The following VPS41 variants were observed in gnomAD, a reference collection of about 807,000 sequenced individuals.
VPS41 encodes the protein VPS41 subunit of HOPS complex, also known as vacuolar protein sorting-associated protein 41 homolog.
In VPS41, 85 loss-of-function variants were observed where a neutral mutation model predicts 130.9. That is an observed-to-expected ratio of 0.65 (90% confidence interval 0.55 to 0.78). VPS41 has a LOEUF of 0.78. Among genes scored for constraint, VPS41 ranks in the 30% least tolerant of loss-of-function variants. VPS41 has a pLI of 0.00. For synonymous variants in VPS41, 335 were observed against 332.9 expected, an observed-to-expected ratio of 1.01 and a Z score of -0.07; for missense variants, 874 against 1,018.7, an observed-to-expected ratio of 0.86 and a Z score of 1.93.
intron 13 of VPS41, 62 bp from the exon 14 acceptor site, chr7:38,771,316 A>G: frequency 1.6e-6 from 2 of 1,232,276 alleles, no homozygotes; most frequent in Non-Finnish European, 2.3e-6. Flanking sequence ...GGGAGGGAAA[A>G]TGGGAGAAGG....
At chr7:38,844,078 C>T (rs968196095) in intron 4 of VPS41, among the ~76,000 whole-genome samples, 5 of 152,186 alleles carry the variant, frequency 3.3e-5, no homozygotes, top group African/African-American at 1.2e-4. Flanking sequence ...AAAAATTAGT[C>T]ATACCAATAT....
chr7:38,743,770 C>T (rs1415648115), intron 23 of VPS41, among the ~76,000 whole-genome samples: 4 of 152,056 alleles, frequency 2.6e-5, no homozygotes, highest in Admixed American at 6.6e-5. Context: ...ATATAAATGA[C>T]ATCATATAAC....
At chr7:38,873,895 T>A (rs527787825) in intron 2 of VPS41, among the ~76,000 whole-genome samples, 1 of 152,306 alleles carries the variant, frequency 6.6e-6, no homozygotes, top group South Asian at 2.1e-4. Context: ...GGATAACAAA[T>A]CAAAGCATTT....
At chr7:38,897,161 T>G (rs1330040381) in intron 2 of VPS41, among the ~76,000 whole-genome samples, 1 of 129,592 alleles carries the variant, frequency 7.7e-6, no homozygotes, top group Admixed American at 9.8e-5. Flanking sequence ...ACCATTGCAC[T>G]CTAGCCTAGG....
chr7:38,816,279 C>A (rs1157842976), intron 7 of VPS41, among the ~76,000 whole-genome samples: 1 of 152,114 alleles, frequency 6.6e-6, no homozygotes, highest in Non-Finnish European at 1.5e-5. Flanking sequence ...GGCTCTCTAA[C>A]AGAAATCAGA....
At chr7:38,732,466 T>C (rs1023284870) in intron 25 of VPS41, among the ~76,000 whole-genome samples, 14 of 152,214 alleles carry the variant, frequency 9.2e-5, no homozygotes, top group Non-Finnish European at 2.1e-4. Flanking sequence ...ATCTTACTCT[T>C]AATTTTTATG....
intron 9 of VPS41, among the ~76,000 whole-genome samples, chr7:38,790,138 C>T (rs1234701973): frequency 6.6e-6 from 1 of 152,174 alleles, no homozygotes; most frequent in Non-Finnish European, 1.5e-5. Flanking sequence ...AATCCAAGTA[C>T]AACTTCTGTC....
intron 21 of VPS41, 99 bp from the exon 22 acceptor site, chr7:38,752,412 G>A: frequency 2.1e-6 from 3 of 1,429,896 alleles, no homozygotes; most frequent in Non-Finnish European, 2.9e-6. Flanking sequence ...CCATGGACAG[G>A]TTGGGGGAGA....
At chr7:38,805,260 C>A (rs1033257744) in intron 7 of VPS41, among the ~76,000 whole-genome samples, 3 of 152,252 alleles carry the variant, frequency 2.0e-5, no homozygotes, top group South Asian at 4.2e-4. Context: ...ACAGGCCAGG[C>A]GCAGTGGCTC....
At position 38,774,263 on chromosome 7, in the gene VPS41, G is replaced by A. The variant is rs1436902534; in HGVS notation, c.883-19C>T. 3 of 1,552,638 alleles carry A rather than the reference G, an allele frequency of 1.9e-6. No homozygotes were observed. The Admixed American group carries it at 5.7e-5, about 29-fold the overall frequency. ...CTCTTTCCTAGTGGGGGAAAAGAGA[G>A]AAACATTAATTTAAATTACATTTCT... On this transcript the variant is annotated intron_variant, in intron 11 of 28. Transcript: ENST00000310301.
At chr7:38,835,020 G>A (rs954480412) in intron 4 of VPS41, among the ~76,000 whole-genome samples, 2 of 151,772 alleles carry the variant, frequency 1.3e-5, no homozygotes. Context: ...TTATACACCA[G>A]GCTCTATTCT....
intron 2 of VPS41, among the ~76,000 whole-genome samples, chr7:38,872,774 A>G (rs1279258833): frequency 6.6e-6 from 1 of 152,238 alleles, no homozygotes; most frequent in East Asian, 1.9e-4. Context: ...TGAAAAAAGA[A>G]AACTGCAAAA....
At chr7:38,747,079 G>A (rs1355497236) in intron 22 of VPS41, among the ~76,000 whole-genome samples, 1 of 151,998 alleles carries the variant, frequency 6.6e-6, no homozygotes, top group African/African-American at 2.4e-5. Context: ...AGCTAATACC[G>A]AGAAAATCTT....
chr7:38,835,639 A>T (rs1218461073), intron 4 of VPS41, among the ~76,000 whole-genome samples: 9 of 151,860 alleles, frequency 5.9e-5, no homozygotes, highest in Admixed American at 5.9e-4. Flanking sequence ...AATAATTCAT[A>T]TTCTCTATTT....
At chr7:38,841,591 C>T (rs1785609002) in intron 4 of VPS41, among the ~76,000 whole-genome samples, 1 of 152,138 alleles carries the variant, frequency 6.6e-6, no homozygotes, top group Non-Finnish European at 1.5e-5. Flanking sequence ...CATTTCCTTC[C>T]TGCCTTTCTA....
intron 7 of VPS41, among the ~76,000 whole-genome samples, chr7:38,799,147 A>G (rs1456034763): frequency 6.6e-6 from 1 of 152,206 alleles, no homozygotes; most frequent in Non-Finnish European, 1.5e-5. Flanking sequence ...GCACCTATGG[A>G]AAAATCCTGC....
intron 25 of VPS41, among the ~76,000 whole-genome samples, chr7:38,737,117 T>C (rs1318483196): frequency 5.3e-5 from 8 of 152,196 alleles, no homozygotes; most frequent in Admixed American, 5.2e-4. Context: ...GGCTCACACC[T>C]GCCATGCCAG....
chr7:38,833,796 A>C (rs1306966673), intron 4 of VPS41, among the ~76,000 whole-genome samples: 4 of 152,212 alleles, frequency 2.6e-5, no homozygotes, highest in African/African-American at 9.6e-5. Context: ...GCAGAGAAAA[A>C]AAATAAAAAG....
intron 2 of VPS41, among the ~76,000 whole-genome samples, chr7:38,872,229 C>G (rs2116349053): frequency 6.6e-6 from 1 of 152,298 alleles, no homozygotes; most frequent in South Asian, 2.1e-4. Flanking sequence ...CCGGAGGAAG[C>G]CACTTGCCAT....
Sources: allele counts gnomAD v4.1 joint callset (sites outside exome capture counted in the v4.1 genomes callset), GRCh38; gene constraint gnomAD v4.1.1; transcripts MANE v1.5; gene names NCBI Gene and HGNC (gene_info 2026-07-23, HGNC 2026-07-21).